The following SLC16A2 variants were observed in gnomAD, a reference collection of about 807,000 sequenced individuals.
The protein encoded by SLC16A2 is monocarboxylate transporter 8.
Under a neutral mutation model 27.2 loss-of-function variants are expected in SLC16A2, and 3 were observed. The ratio of observed to expected loss-of-function variants is 0.11; its 90% CI spans 0.05 to 0.28. The LOEUF (loss-of-function observed/expected upper bound fraction) is 0.28. SLC16A2 is among the 10% of genes least tolerant of loss of function. SLC16A2 has a pLI of 1.00. For missense variants in SLC16A2, 295 were observed against 458.5 expected (o/e 0.64, Z 3.26); for synonymous variants, 202 against 187.8 (o/e 1.08, Z -0.62).
At chrX:74,428,079 T>G (rs1372964079) in intron 1 of SLC16A2, among the ~76,000 whole-genome samples, 1 of 106,440 alleles carries the variant, frequency 9.4e-6, no homozygotes, top group Non-Finnish European at 1.9e-5. Flanking sequence ...GCTGGGAAAC[T>G]TTATTGCAAG....
At position 74,525,770 on chromosome X, in the gene SLC16A2, G is replaced by C; in HGVS notation, c.1047G>C (p.Glu349Asp). 8.3e-7 allele frequency: 1 copy of C among 1,211,736 alleles called. No homozygotes were observed. Among genetic ancestry groups the C allele is most frequent in the Non-Finnish European group, 1.1e-6 (1 of 895,432 alleles). The change falls in exon 4 of 6, where the codon GAG (glutamate) becomes GAC (aspartate). Residue 349 changes from glutamate (E) to aspartate (D), a missense_variant. Transcript: ENST00000587091. The stretch of plus-strand genomic sequence containing the variant: ...TTCAGATGAAGTATGTGGAGGAGGA[G>C]TTCTCAGAAATCAAGGAGACCTGGG... ...YVHLMKYVEE[E>D]FSEIKETWVL...
chrX:74,489,342 A>G (rs772431412), intron 1 of SLC16A2, among the ~76,000 whole-genome samples: 8 of 112,150 alleles, frequency 7.1e-5, no homozygotes, highest in Non-Finnish European at 1.5e-4. Flanking sequence ...ATACAAGCAA[A>G]GATCATTCTG....
chrX:74,497,724 G>A (rs1929961224), intron 1 of SLC16A2, among the ~76,000 whole-genome samples: 1 of 109,673 alleles, frequency 9.1e-6, no homozygotes, highest in Admixed American at 9.8e-5. Context: ...GGGCCAAAAT[G>A]TTTCCTTCTT....
intron 1 of SLC16A2, among the ~76,000 whole-genome samples, chrX:74,450,466 G>T: frequency 9.0e-6 from 1 of 111,194 alleles, no homozygotes; most frequent in Non-Finnish European, 1.9e-5. Context: ...CCATTTCTGG[G>T]AGTTCATAAT....
At chrX:74,458,105 A>G (rs1344752889) in intron 1 of SLC16A2, among the ~76,000 whole-genome samples, 1 of 112,071 alleles carries the variant, frequency 8.9e-6, no homozygotes, top group African/African-American at 3.2e-5. Flanking sequence ...CCCTCAAATA[A>G]TCAGGCTAGA....
In SLC16A2 at chrX:74,500,716, C is replaced by G. The variant is rs1930016138; in HGVS notation, c.431-20274C>G. Among the ~76,000 whole-genome samples, 3 of 111,478 alleles carry G rather than the reference C, an allele frequency of 2.7e-5. No individual in the cohort carries two copies. In the Admixed American group the frequency reaches 2.9e-4, roughly 11 times the overall value. On this transcript the variant is annotated intron_variant, in intron 1 of 5. Coordinates refer to ENST00000587091, the MANE Select transcript of SLC16A2 (RefSeq NM_006517.5). ...GGCAATTATCAACCTCAATGTAATTCTGAGCTTCCCCCTTGCACCCTGTTT... is the reference window on the plus strand; with the variant it reads ...GGCAATTATCAACCTCAATGTAATTGTGAGCTTCCCCCTTGCACCCTGTTT...
rs745710557 is a variant in SLC16A2, at chrX:74,485,852, G to A, written c.431-35138G>A. 4.1e-4 allele frequency among the ~76,000 whole-genome samples: 45 copies of A among 110,140 alleles called. No homozygotes were observed. In the East Asian group the frequency reaches 0.011, roughly 28 times the overall value. ...GCACAGTGGACACCCTGCCGGATCC[G>A]GAGGGGTGGAAGTCAGAAGTGGGTC... On this transcript the variant is annotated intron_variant, in intron 1 of 5. Transcript: ENST00000587091.
At chrX:74,467,586 A>G (rs1404923097) in intron 1 of SLC16A2, among the ~76,000 whole-genome samples, 1 of 112,022 alleles carries the variant, frequency 8.9e-6, no homozygotes, top group East Asian at 2.8e-4. Flanking sequence ...ATAAAATCCT[A>G]GTATAGGCAA....
intron 1 of SLC16A2, among the ~76,000 whole-genome samples, chrX:74,453,459 T>C (rs1202788931): frequency 8.9e-6 from 1 of 111,873 alleles, no homozygotes; most frequent in Non-Finnish European, 1.9e-5. Context: ...CTATGCATAT[T>C]TAAATCTGGT....
chrX:74,497,076 G>A (rs1929950791), intron 1 of SLC16A2, among the ~76,000 whole-genome samples: 1 of 111,882 alleles, frequency 8.9e-6, no homozygotes, highest in East Asian at 2.8e-4. Context: ...CTAGGGTCTA[G>A]GGGTTCTTAT....
intron 1 of SLC16A2, among the ~76,000 whole-genome samples, chrX:74,491,586 AT>A (rs2147859597): frequency 8.9e-6 from 1 of 111,956 alleles, no homozygotes; most frequent in African/African-American, 3.2e-5. Context: ...CCCACTTCCC[AT>A]CATGGCCTGA....
chrX:74,471,468 A>G (rs1929355253), intron 1 of SLC16A2, among the ~76,000 whole-genome samples: 1 of 111,687 alleles, frequency 9.0e-6, no homozygotes, highest in Admixed American at 9.5e-5. Flanking sequence ...ACCTTTGCCC[A>G]TTTGTCAATG....
chrX:74,474,407 T>A (rs1217896667), intron 1 of SLC16A2, among the ~76,000 whole-genome samples: 1 of 111,436 alleles, frequency 9.0e-6, no homozygotes, highest in Non-Finnish European at 1.9e-5. Context: ...CTTTGTATAT[T>A]GATTTTCTAT....
At chrX:74,472,645 T>A (rs1487053920) in intron 1 of SLC16A2, among the ~76,000 whole-genome samples, 1 of 111,087 alleles carries the variant, frequency 9.0e-6, no homozygotes, top group African/African-American at 3.3e-5. Flanking sequence ...TCTCCCAACT[T>A]TGTTGTTCAT....
chrX:74,519,518 C>T (rs1930369756), intron 1 of SLC16A2, among the ~76,000 whole-genome samples: 1 of 102,866 alleles, frequency 9.7e-6, no homozygotes, highest in African/African-American at 3.5e-5. Flanking sequence ...TCGAGACCAT[C>T]CTGGCTAACA....
chrX:74,525,932 C>T, intron 4 of SLC16A2, 39 bp downstream of exon 4: 6 of 1,198,385 alleles, frequency 5.0e-6, no homozygotes, highest in Non-Finnish European at 6.8e-6. Flanking sequence ...GAGAAACAGC[C>T]TGCCACAAAT....
intron 1 of SLC16A2, among the ~76,000 whole-genome samples, chrX:74,485,403 T>G (rs1424514183): frequency 9.2e-6 from 1 of 108,126 alleles, no homozygotes; most frequent in Non-Finnish European, 1.9e-5. Context: ...ATAGATATCT[T>G]TATATATATA....
intron 1 of SLC16A2, among the ~76,000 whole-genome samples, chrX:74,422,633 G>C (rs1231981774): frequency 3.6e-5 from 4 of 111,740 alleles, no homozygotes; most frequent in Non-Finnish European, 3.8e-5. Context: ...GTGCGTGTCT[G>C]CAAGAGAGAA....
chrX:74,444,682 TTG>T (rs1928809060), intron 1 of SLC16A2, among the ~76,000 whole-genome samples: 1 of 112,400 alleles, frequency 8.9e-6, no homozygotes, highest in Non-Finnish European at 1.9e-5. Context: ...TTTCTGTTGC[TTG>T]TTTTGAAGAT....
Sources: allele counts gnomAD v4.1 joint callset (sites outside exome capture counted in the v4.1 genomes callset), GRCh38; gene constraint gnomAD v4.1.1; transcripts MANE v1.5; gene names NCBI Gene and HGNC (gene_info 2026-07-23, HGNC 2026-07-21).